ACTL8: variants seen among roughly 807,000 people sequenced by gnomAD.
The protein encoded by ACTL8 is actin like 8.
Under a neutral mutation model 9.3 loss-of-function variants are expected in ACTL8, and 3 were observed. The observed-to-expected ratio is 0.32, with a 90% CI of 0.15 to 0.83. ACTL8 has a LOEUF of 0.83. ACTL8 is among the 40% of genes least tolerant of loss of function. The probability of loss-of-function intolerance (pLI) is 0.57; values close to 1 mark genes in which losing one functional copy is unlikely to be tolerated. For missense variants in ACTL8, 381 were observed against 492.2 expected (o/e 0.77, Z 2.14); for synonymous variants, 224 against 205.9 (o/e 1.09, Z -0.75).
chr1:17,805,685 A>T (rs1356475007), intron 1 of ACTL8, among the ~76,000 whole-genome samples: 2 of 152,008 alleles, frequency 1.3e-5, no homozygotes, highest in Non-Finnish European at 2.9e-5. Flanking sequence ...GCCAAAATAG[A>T]TGTATTTTCT....
intron 1 of ACTL8, among the ~76,000 whole-genome samples, chr1:17,759,547 T>G (rs972031142): frequency 1.1e-4 from 16 of 152,226 alleles, no homozygotes; most frequent in South Asian, 2.1e-4. Flanking sequence ...CCAACTTTTT[T>G]TCTCCCCCAA....
intron 1 of ACTL8, among the ~76,000 whole-genome samples, chr1:17,791,459 A>C (rs1226599557): frequency 2.0e-5 from 3 of 152,218 alleles, no homozygotes; most frequent in Non-Finnish European, 4.4e-5. Flanking sequence ...GGATTTGAAC[A>C]CAGGTCTGTG....
chr1:17,763,395 C>T (rs568777834), intron 1 of ACTL8, among the ~76,000 whole-genome samples: 1 of 152,104 alleles, frequency 6.6e-6, no homozygotes, highest in Non-Finnish European at 1.5e-5. Context: ...TAGAAAGCCT[C>T]CCCGGAGGTG....
At position 17,823,173 on chromosome 1, in the gene ACTL8, C is replaced by A. The variant is rs752312335; in HGVS notation, c.165C>A (p.Ile55=). The A allele has an allele frequency of 6.2e-7, 1 of 1,614,176 alleles. No individual in the cohort carries two copies. The highest frequency in any genetic ancestry group is 8.5e-7 in the Non-Finnish European group (1 of 1,180,046). Reference sequence around the variant, plus strand: ...CCCGTAGGCGTGTGAGCCTGGGCATCGACATTTGCCATCCTGACACCTTTA... The same window carrying A: ...CCCGTAGGCGTGTGAGCCTGGGCATAGACATTTGCCATCCTGACACCTTTA... ...SYARRRVSLG[I]DICHPDTFSY... Residue 55 remains isoleucine (I), a synonymous_variant, in exon 2 of 3, where the codon ATC becomes ATA. Coordinates refer to ENST00000375406, the MANE Select transcript of ACTL8 (RefSeq NM_030812.3). The surrounding 1 kb of genome is among the most constrained non-coding windows in gnomAD (Gnocchi z 5.3).
At chr1:17,802,424 CGTGTGT>C (rs72387933) in intron 1 of ACTL8, among the ~76,000 whole-genome samples, 5,057 of 146,662 alleles carry the variant, frequency 0.034, 287 homozygotes, top group African/African-American at 0.12. Flanking sequence ...ACTGTGCGTG[CGTGTGT>C]GTGTGTGTGT....
At chr1:17,819,277 G>A (rs1367217396) in intron 1 of ACTL8, among the ~76,000 whole-genome samples, 2 of 152,232 alleles carry the variant, frequency 1.3e-5, no homozygotes. Context: ...CCAGTTCTCT[G>A]TCACTCTGGA....
chr1:17,765,794 A>C (rs898030775), intron 1 of ACTL8, among the ~76,000 whole-genome samples: 1 of 152,198 alleles, frequency 6.6e-6, no homozygotes, highest in Admixed American at 6.5e-5. Flanking sequence ...CTGACCTGAC[A>C]TCTGTGCTCT....
chr1:17,785,913 G>A (rs182028293), intron 1 of ACTL8, among the ~76,000 whole-genome samples: 1 of 152,306 alleles, frequency 6.6e-6, no homozygotes, highest in African/African-American at 2.4e-5. Flanking sequence ...TCAAGGTGGT[G>A]ACTGGGCTGT....
intron 1 of ACTL8, among the ~76,000 whole-genome samples, chr1:17,777,089 A>G (rs1344325609): frequency 6.8e-6 from 1 of 146,198 alleles, no homozygotes; most frequent in Non-Finnish European, 1.5e-5. Context: ...TTAGCCTCCC[A>G]AAGTGCTGAG....
intron 1 of ACTL8, among the ~76,000 whole-genome samples, chr1:17,817,494 T>G (rs1227691139): frequency 3.3e-5 from 5 of 152,150 alleles, no homozygotes; most frequent in Admixed American, 6.5e-5. Context: ...GATTCTTCCC[T>G]TCTTGAAATA....
chr1:17,762,443 G>T (rs12086420), intron 1 of ACTL8, among the ~76,000 whole-genome samples: 1 of 152,072 alleles, frequency 6.6e-6, no homozygotes, highest in East Asian at 1.9e-4. Flanking sequence ...CTGTGGCTAC[G>T]CTTTCAGACC....
chr1:17,815,815 T>C (rs181183729), intron 1 of ACTL8, among the ~76,000 whole-genome samples: 1 of 152,334 alleles, frequency 6.6e-6, no homozygotes, highest in Admixed American at 6.5e-5. Context: ...CTCTTTATAT[T>C]GCCCCACAGG....
intron 1 of ACTL8, among the ~76,000 whole-genome samples, chr1:17,777,386 C>T (rs2102681490): frequency 6.6e-6 from 1 of 152,262 alleles, no homozygotes; most frequent in South Asian, 2.1e-4. Flanking sequence ...TCCTTCATCC[C>T]TCAGCCCCAG....
At chr1:17,817,266 C>T (rs959160091) in intron 1 of ACTL8, among the ~76,000 whole-genome samples, 7 of 150,602 alleles carry the variant, frequency 4.6e-5, no homozygotes, top group Non-Finnish European at 7.4e-5. Flanking sequence ...TTGAACACTT[C>T]TTTAATATTT....
At position 17,826,750 on chromosome 1, in the gene ACTL8, G is replaced by C. The variant is rs1375622880; in HGVS notation, c.*231G>C. Reference sequence around the variant, plus strand: ...ATCCTTGGAAACCCTGCAGGGGACAGTTTTTCCAGGGTGGCCTATCATTGG... The same window carrying C: ...ATCCTTGGAAACCCTGCAGGGGACACTTTTTCCAGGGTGGCCTATCATTGG... On this transcript the variant is annotated 3_prime_UTR_variant, in exon 3 of 3. Transcript: ENST00000375406. This position sits in a 1 kb window ranked among gnomAD's most constrained non-coding sequence, Gnocchi z 4.5. The C allele has an allele frequency of 2.5e-6, 1 of 393,248 alleles. No homozygotes were observed. The highest frequency in any genetic ancestry group is 4.5e-6 in the Non-Finnish European group (1 of 224,286). 24.4% of individuals were successfully genotyped at this position (393,248 alleles called of 1,614,324 possible).
At chr1:17,808,717 T>C (rs2066375345) in intron 1 of ACTL8, among the ~76,000 whole-genome samples, 1 of 152,246 alleles carries the variant, frequency 6.6e-6, no homozygotes, top group South Asian at 2.1e-4. Flanking sequence ...AATGAATTCC[T>C]GTTTGCAAGT....
At chr1:17,759,627 G>T (rs2065988831) in intron 1 of ACTL8, among the ~76,000 whole-genome samples, 1 of 152,238 alleles carries the variant, frequency 6.6e-6, no homozygotes, top group African/African-American at 2.4e-5. Context: ...TTTGTGGGAG[G>T]ATGCTTGTTT....
At chr1:17,779,578 TC>T (rs1158043077) in intron 1 of ACTL8, among the ~76,000 whole-genome samples, 1 of 152,148 alleles carries the variant, frequency 6.6e-6, no homozygotes, top group East Asian at 1.9e-4. Flanking sequence ...GTCTGGTTCT[TC>T]CCCCTGCAAA....
At chr1:17,765,856 C>T (rs543098653) in intron 1 of ACTL8, among the ~76,000 whole-genome samples, 137 of 152,338 alleles carry the variant, frequency 9.0e-4, no homozygotes, top group African/African-American at 3.2e-3. Context: ...GGGTTCATTA[C>T]ATCTGGCATG....
Sources: allele counts gnomAD v4.1 joint callset (sites outside exome capture counted in the v4.1 genomes callset), GRCh38; gene constraint gnomAD v4.1.1; non-coding constraint Gnocchi (gnomAD v3.1); transcripts MANE v1.5; gene names NCBI Gene and HGNC (gene_info 2026-07-23, HGNC 2026-07-21).